Variants in CPED1 observed in about 807,000 individuals in gnomAD.
CPED1 encodes the protein cadherin like and PC-esterase domain containing 1.
Under a neutral mutation model 128.2 loss-of-function variants are expected in CPED1, and 114 were observed. The observed-to-expected ratio is 0.89, with a 90% CI of 0.76 to 1.04. CPED1 has a LOEUF of 1.04. CPED1 is among the 50% of genes least tolerant of loss of function. The pLI, the probability that CPED1 is intolerant of heterozygous loss-of-function variation, is 0.00. For synonymous variants in CPED1, 462 were observed against 426.7 expected, an observed-to-expected ratio of 1.08 and a Z score of -1.02; for missense variants, 1,211 against 1,207.1, an observed-to-expected ratio of 1.00 and a Z score of -0.05.
In CPED1 at chr7:121,296,620, T is replaced by C. The variant is rs907723026; in HGVS notation, c.*968T>C. The C allele has an allele frequency of 1.3e-5, 2 of 152,168 alleles. No individual in the cohort carries two copies. Among genetic ancestry groups the C allele is most frequent in the Admixed American group, 1.3e-4 (2 of 15,274 alleles). 9.4% of individuals were successfully genotyped at this position (152,168 alleles called of 1,614,324 possible). A position where few individuals can be genotyped will look rare whatever the true frequency, so the allele number is the denominator to read the frequency against. ...AATAGTATTATGTTACTAGTATCTA[T>C]ATTTTGATTTTCCTGAGCAACTGTA... On this transcript the variant is annotated 3_prime_UTR_variant, in exon 23 of 23. Transcript: ENST00000310396.
At chr7:121,128,578 A>C (rs1795568640) in intron 11 of CPED1, 92 bp downstream of exon 11, 1 of 703,016 alleles carries the variant, frequency 1.4e-6, no homozygotes, top group Admixed American at 2.3e-5. Flanking sequence ...AACTAGATTA[A>C]GTATTTCTTT....
At chr7:121,022,307 A>G (rs1274743930) in intron 3 of CPED1, among the ~76,000 whole-genome samples, 1 of 152,080 alleles carries the variant, frequency 6.6e-6, no homozygotes, top group East Asian at 1.9e-4. Flanking sequence ...TTTAGACTTA[A>G]GTCCACTCTT....
intron 22 of CPED1, among the ~76,000 whole-genome samples, chr7:121,276,436 T>G (rs575105988): frequency 6.6e-6 from 1 of 152,266 alleles, no homozygotes; most frequent in African/African-American, 2.4e-5. Context: ...CATTCAACAT[T>G]TATTTTGTGG....
At chr7:121,058,925 A>G (rs1793578933) in intron 4 of CPED1, among the ~76,000 whole-genome samples, 2 of 152,228 alleles carry the variant, frequency 1.3e-5, no homozygotes, top group South Asian at 2.1e-4. Context: ...AATTAAGATT[A>G]CTAATCCCAT....
chr7:121,183,288 AT>A (rs770381876), intron 16 of CPED1, among the ~76,000 whole-genome samples: 4 of 152,192 alleles, frequency 2.6e-5, no homozygotes, highest in Non-Finnish European at 5.9e-5. Flanking sequence ...AAAAATTCAA[AT>A]TTTAAGTAAT....
intron 7 of CPED1, among the ~76,000 whole-genome samples, chr7:121,110,978 G>A (rs967758913): frequency 2.0e-5 from 3 of 152,146 alleles, no homozygotes; most frequent in Non-Finnish European, 4.4e-5. Context: ...GGTGTGAGAG[G>A]CTAAAGAGAG....
chr7:121,242,830 T>A (rs1384089014), intron 17 of CPED1, among the ~76,000 whole-genome samples: 3 of 152,152 alleles, frequency 2.0e-5, no homozygotes, highest in African/African-American at 7.2e-5. Flanking sequence ...TTCTTTTATC[T>A]CTTCCAGTTT....
intron 22 of CPED1, among the ~76,000 whole-genome samples, chr7:121,275,497 G>T (rs965707465): frequency 6.6e-6 from 1 of 152,140 alleles, no homozygotes; most frequent in South Asian, 2.1e-4. Context: ...GCTAAAACCT[G>T]GAAAGAATAC....
rs185240860 is a variant in CPED1, at chr7:120,996,592, A to C, written c.249+6722A>C. ...GCTCCTTTTTTAGCTCTAACTTCTA[A>C]TTTCTCTCTGGGACCATGCTGTGCA... On this transcript the variant is annotated intron_variant, in intron 2 of 22. Coordinates refer to ENST00000310396, the MANE Select transcript of CPED1 (RefSeq NM_024913.5). Among the ~76,000 whole-genome samples the C allele has an allele frequency of 5.9e-5, 9 of 152,080 alleles. No individual in the cohort carries two copies. The East Asian group carries it at 1.7e-3, about 29-fold the overall frequency.
rs181537809 is a variant in CPED1, at chr7:121,218,137, A to G, written c.2056-18577A>G. Among the ~76,000 whole-genome samples, 224 of 147,310 alleles carry G rather than the reference A, an allele frequency of 1.5e-3. 1 individual carries two copies. Among genetic ancestry groups the G allele is most frequent in the Middle Eastern group, 7.1e-3 (2 of 280 alleles). On this transcript the variant is annotated intron_variant, in intron 16 of 22. Transcript: ENST00000310396. ...GTAGCTGGAATTACAGGCACCCTCCACCATGCCTGGCTAATTTTTTTTTTT... is the reference window on the plus strand; with the variant it reads ...GTAGCTGGAATTACAGGCACCCTCCGCCATGCCTGGCTAATTTTTTTTTTT...
At chr7:121,047,701 T>TCCTCCTCCTCCTCC (rs1793244556) in intron 4 of CPED1, among the ~76,000 whole-genome samples, 1 of 37,736 alleles carries the variant, frequency 2.6e-5, no homozygotes, top group African/African-American at 8.8e-5. Flanking sequence ...CTTCTTCTTC[T>TCCTCCTCCTCCTCC]TCTTCTTCTT....
In CPED1 at chr7:120,992,151, A is replaced by T. The variant is rs762491729; in HGVS notation, c.249+2281A>T. 7.2e-5 allele frequency among the ~76,000 whole-genome samples: 11 copies of T among 152,170 alleles called. No individual in the cohort carries two copies. In the East Asian group the frequency reaches 2.1e-3, roughly 29 times the overall value. ...AATATATTGATCATTTTCTAAAGTA[A>T]CTACTTGTGAAGTTCATTTAAAAAA... On this transcript the variant is annotated intron_variant, in intron 2 of 22. Transcript: ENST00000310396.
chr7:121,176,744 T>C (rs140920695), intron 16 of CPED1, among the ~76,000 whole-genome samples: 218 of 152,238 alleles, frequency 1.4e-3, no homozygotes, highest in African/African-American at 4.7e-3. Flanking sequence ...TGCTACTTTA[T>C]GCATTTATAG....
At chr7:121,028,324 GA>G (rs969288477) in intron 3 of CPED1, among the ~76,000 whole-genome samples, 3 of 152,176 alleles carry the variant, frequency 2.0e-5, no homozygotes, top group Non-Finnish European at 4.4e-5. Flanking sequence ...TTTTCTTACA[GA>G]AGCACAAAGA....
chr7:121,081,083 C>T (rs965395352), intron 5 of CPED1, among the ~76,000 whole-genome samples: 12 of 152,110 alleles, frequency 7.9e-5, no homozygotes, highest in African/African-American at 2.9e-4. Context: ...AGGTGATGCT[C>T]GTTATGACTA....
chr7:121,130,018 A>G, intron 11 of CPED1, 107 bp from the exon 12 acceptor site: 1 of 973,702 alleles, frequency 1.0e-6, no homozygotes, highest in Non-Finnish European at 1.5e-6. Context: ...ATGGATTTTT[A>G]ACAAATATCT....
intron 5 of CPED1, among the ~76,000 whole-genome samples, chr7:121,093,751 A>G (rs1474921838): frequency 6.6e-6 from 1 of 152,084 alleles, no homozygotes; most frequent in African/African-American, 2.4e-5. Flanking sequence ...CTTTCCTATA[A>G]CAATGCTTTT....
chr7:121,128,844 T>C (rs531074184), intron 11 of CPED1, among the ~76,000 whole-genome samples: 3 of 152,278 alleles, frequency 2.0e-5, no homozygotes, highest in African/African-American at 7.2e-5. Flanking sequence ...TATTATCCCC[T>C]TGTTATTTCT....
intron 16 of CPED1, among the ~76,000 whole-genome samples, chr7:121,169,308 A>T (rs1796600951): frequency 6.6e-6 from 1 of 152,182 alleles, no homozygotes; most frequent in African/African-American, 2.4e-5. Flanking sequence ...AAAGAAGGTA[A>T]TTGGGAAAAT....
Sources: gnomAD v4.1 joint callset for allele counts (sites outside exome capture counted in the v4.1 genomes callset) on GRCh38, gnomAD v4.1.1 for gene constraint, MANE v1.5 for transcripts, NCBI Gene and HGNC (gene_info 2026-07-23, HGNC 2026-07-21) for gene names.